Variants in PPP3CB observed in about 807,000 individuals in gnomAD.
PPP3CB encodes the protein serine/threonine-protein phosphatase 2B catalytic subunit beta isoform.
PPP3CB carries 8 observed loss-of-function variants against 66.4 expected under a neutral mutation model. That is an observed-to-expected ratio of 0.12 (90% CI 0.07 to 0.22). PPP3CB has a LOEUF of 0.22. Ranked by LOEUF, PPP3CB falls within the 10% of genes least tolerant of loss-of-function variation. The pLI, the probability that PPP3CB is intolerant of heterozygous loss-of-function variation, is 1.00. For missense variants in PPP3CB, 319 were observed against 642.5 expected (o/e 0.50, Z 5.44); for synonymous variants, 208 against 221.2 (o/e 0.94, Z 0.53).
chr10:73,438,445 G>A (rs1014038975), intron 13 of PPP3CB, 25 bp from the exon 14 acceptor site: 2 of 1,545,140 alleles, frequency 1.3e-6, no homozygotes, highest in Admixed American at 1.9e-5. Context: ...AATTTGATAA[G>A]TCAGTAATTG....
At chr10:73,466,313 T>C (rs1030135711) in intron 9 of PPP3CB, among the ~76,000 whole-genome samples, 6 of 152,206 alleles carry the variant, frequency 3.9e-5, no homozygotes, top group African/African-American at 1.2e-4. Flanking sequence ...AATATTTCCT[T>C]ATGTGGGACT....
intron 9 of PPP3CB, among the ~76,000 whole-genome samples, chr10:73,460,744 T>C (rs1010906094): frequency 6.6e-6 from 1 of 152,230 alleles, no homozygotes; most frequent in Non-Finnish European, 1.5e-5. Flanking sequence ...GAGGAGCCCA[T>C]TGACCAGAAC....
intron 12 of PPP3CB, 148 bp from the exon 13 acceptor site, chr10:73,440,049 T>C: frequency 1.2e-6 from 1 of 800,612 alleles, no homozygotes; most frequent in Non-Finnish European, 2.0e-6. Flanking sequence ...AGTACCCAAA[T>C]TAGAGAGCCC....
chr10:73,478,927 C>T (rs1341384746), intron 2 of PPP3CB, among the ~76,000 whole-genome samples: 1 of 152,178 alleles, frequency 6.6e-6, no homozygotes, highest in Non-Finnish European at 1.5e-5. Flanking sequence ...GACAAAATTA[C>T]AATGGTGGCA....
chr10:73,443,689 T>G (rs537127526), intron 12 of PPP3CB: 1 of 152,356 alleles, frequency 6.6e-6, no homozygotes, highest in South Asian at 2.1e-4. Flanking sequence ...CTATTTAATC[T>G]GTAATGGGCT....
At chr10:73,476,950 A>G (rs1384430072) in intron 3 of PPP3CB, among the ~76,000 whole-genome samples, 1 of 152,220 alleles carries the variant, frequency 6.6e-6, no homozygotes, top group Non-Finnish European at 1.5e-5. Flanking sequence ...TATATTGGAA[A>G]CACTGGAGAA....
In PPP3CB at chr10:73,479,359, G is replaced by T; in HGVS notation, c.244C>A (p.Arg82=). The change falls in exon 2 of 14, where the codon CGG becomes AGG. Residue 82 remains arginine, a synonymous_variant. Coordinates refer to ENST00000360663, the MANE Select transcript of PPP3CB (RefSeq NM_021132.4). ...ACTTCTATCATGGTTTTCTCTCTCC[G>T]AAGGATGGCAGCACCCTCATTGATA... The part of the protein sequence containing the change: ...RIINEGAAIL[R]REKTMIEVEA... The T allele has an allele frequency of 6.2e-7, 1 of 1,614,032 alleles. No individual in the cohort carries two copies.
chr10:73,474,355 G>T (rs749424779), intron 4 of PPP3CB, among the ~76,000 whole-genome samples: 17 of 151,026 alleles, frequency 1.1e-4, no homozygotes, highest in Non-Finnish European at 2.1e-4. Flanking sequence ...AAAATTAATT[G>T]TAACATTAAA....
At chr10:73,473,434 A>T (rs550436854) in intron 4 of PPP3CB, among the ~76,000 whole-genome samples, 1 of 152,292 alleles carries the variant, frequency 6.6e-6, no homozygotes, top group South Asian at 2.1e-4. Flanking sequence ...CAGGTGGATT[A>T]CTTGAGGTCA....
intron 2 of PPP3CB, 92 bp from the exon 3 acceptor site, chr10:73,478,715 C>G (rs1295575167): frequency 2.8e-6 from 3 of 1,077,466 alleles, no homozygotes; most frequent in African/African-American, 3.2e-5. Flanking sequence ...AGACATAGTA[C>G]AAATGCTATC....
At chr10:73,489,915 A>G (rs2057044620) in intron 1 of PPP3CB, among the ~76,000 whole-genome samples, 1 of 152,064 alleles carries the variant, frequency 6.6e-6, no homozygotes, top group Non-Finnish European at 1.5e-5. Flanking sequence ...ACCTCGAAAC[A>G]TTATCCTCTC....
At chr10:73,478,472 A>T in intron 3 of PPP3CB, 27 bp downstream of exon 3, 1 of 1,592,146 alleles carries the variant, frequency 6.3e-7, no homozygotes, top group Non-Finnish European at 8.6e-7. Context: ...CTTAACAGCA[A>T]ATCAAATGAC....
chr10:73,464,209 T>TGAGCCACCACGCCTGGCCCC (rs2056579220), intron 9 of PPP3CB, among the ~76,000 whole-genome samples: 2 of 152,284 alleles, frequency 1.3e-5, no homozygotes, highest in South Asian at 2.1e-4. Flanking sequence ...ATTACAGGCA[T>TGAGCCACCACGCCTGGCCCC]GAGCCACCAC....
chr10:73,486,075 A>T lies in PPP3CB; in HGVS notation c.86-6558T>A, dbSNP rs968756772. ...ATTCTCCTGCCTCAGCCTCCTGAGC[A>T]GCTGGGATTACAGGCGTGCACCACC... On this transcript the variant is annotated intron_variant, in intron 1 of 13. Coordinates refer to ENST00000360663, the MANE Select transcript of PPP3CB (RefSeq NM_021132.4). 3.4e-4 allele frequency among the ~76,000 whole-genome samples: 51 copies of T among 151,958 alleles called. 1 individual carries two copies. Among genetic ancestry groups the T allele is most frequent in the South Asian group, 1.0e-3 (5 of 4,810 alleles).
At chr10:73,450,638 C>G (rs2056329152) in intron 10 of PPP3CB, among the ~76,000 whole-genome samples, 1 of 152,166 alleles carries the variant, frequency 6.6e-6, no homozygotes, top group Non-Finnish European at 1.5e-5. Context: ...AAAGGGAGAT[C>G]TATTTCTAAT....
At chr10:73,475,941 C>CAAT in intron 3 of PPP3CB, among the ~76,000 whole-genome samples, 1 of 152,144 alleles carries the variant, frequency 6.6e-6, no homozygotes, top group Non-Finnish European at 1.5e-5. Flanking sequence ...ACTGCAGCCT[C>CAAT]GACCTTCTGG....
intron 9 of PPP3CB, among the ~76,000 whole-genome samples, chr10:73,465,234 TAG>T (rs1005354313): frequency 3.9e-5 from 6 of 152,202 alleles, no homozygotes; most frequent in African/African-American, 1.4e-4. Context: ...TTTACTTCTT[TAG>T]AGACAGGGTT....
At chr10:73,495,632 G>T in intron 1 of PPP3CB, 173 bp downstream of exon 1, 1 of 976,154 alleles carries the variant, frequency 1.0e-6, no homozygotes, top group Non-Finnish European at 1.4e-6. Context: ...CGGAACCACT[G>T]CCACCGACTC....
chr10:73,444,558 A>G lies in PPP3CB; in HGVS notation c.1366+167T>C. The G allele has an allele frequency of 1.9e-6, 3 of 1,543,586 alleles. No individual in the cohort carries two copies. The South Asian group carries it at 3.6e-5, about 19-fold the overall frequency. On this transcript the variant is annotated intron_variant, in intron 12 of 13. Transcript: ENST00000360663. ...ATTCTATCAGTTTTCTGCCCTGATC[A>G]GGTATTAATGAGACACTAGCTAATA... is the stretch of plus-strand genomic sequence containing the variant.
Sources: allele counts gnomAD v4.1 joint callset (sites outside exome capture counted in the v4.1 genomes callset), GRCh38; gene constraint gnomAD v4.1.1; transcripts MANE v1.5; gene names NCBI Gene and HGNC (gene_info 2026-07-23, HGNC 2026-07-21).